Variants in NRXN3 observed in about 807,000 individuals in gnomAD.
NRXN3 encodes neurexin III.
NRXN3 carries 32 observed loss-of-function variants against 137.6 expected under a neutral mutation model. That is an observed-to-expected ratio of 0.23 (90% CI 0.18 to 0.31). NRXN3 has a LOEUF of 0.31. Among genes scored for constraint, NRXN3 ranks in the 10% least tolerant of loss-of-function variants. The pLI, the probability that NRXN3 is intolerant of heterozygous loss-of-function variation, is 1.00. For synonymous variants in NRXN3, 798 were observed against 784.5 expected (o/e 1.02, Z -0.29); for missense variants, 1,574 against 2,062.5 (o/e 0.76, Z 4.59).
chr14:79,416,669 T>C (rs1382766376), intron 15 of NRXN3, among the ~76,000 whole-genome samples: 1 of 152,106 alleles, frequency 6.6e-6, no homozygotes, highest in Non-Finnish European at 1.5e-5. Context: ...TGCAAAACCT[T>C]CATCCACACA....
At position 78,192,739 on chromosome 14, in the gene NRXN3, T is replaced by A. The variant is rs190592406; in HGVS notation, c.-704+22065T>A. On this transcript the variant is annotated intron_variant, in intron 1 of 20. Transcript: ENST00000335750. ...CCTCTCCTAGAGAGGGTGGTGTGGC[T>A]CCAGAATGCTGGGGCAGACTTCAAC... 1.4e-3 allele frequency among the ~76,000 whole-genome samples: 219 copies of A among 152,270 alleles called. 2 individuals carry two copies. The highest frequency in any genetic ancestry group is 5.1e-3 in the African/African-American group (214 of 41,554).
At position 78,676,735 on chromosome 14, in the gene NRXN3, G is replaced by A. The variant is rs542930880; in HGVS notation, c.1221+25409G>A. 1.2e-3 allele frequency among the ~76,000 whole-genome samples: 176 copies of A among 152,240 alleles called. 1 individual carries two copies. The highest frequency in any genetic ancestry group is 4.1e-3 in the African/African-American group (171 of 41,560). On this transcript the variant is annotated intron_variant, in intron 6 of 20. Coordinates refer to ENST00000335750, the MANE Select transcript of NRXN3 (RefSeq NM_001330195.2). ...CATCTAGGACTTTCATAGCTGGAGA[G>A]GGAAAGTCAGTGCCTGGCTTTAGAG... is the stretch of plus-strand genomic sequence containing the variant.
chr14:78,222,018 G>T (rs1186523415), intron 1 of NRXN3, among the ~76,000 whole-genome samples: 1 of 152,180 alleles, frequency 6.6e-6, no homozygotes, highest in African/African-American at 2.4e-5. Flanking sequence ...AGGAAGAGAG[G>T]TGGGGTTGCA....
chr14:78,933,785 A>G (rs1294785014), intron 10 of NRXN3, among the ~76,000 whole-genome samples: 1 of 152,114 alleles, frequency 6.6e-6, no homozygotes, highest in Non-Finnish European at 1.5e-5. Flanking sequence ...AACATTTCAC[A>G]TCCACTCTCT....
intron 8 of NRXN3, among the ~76,000 whole-genome samples, chr14:78,729,555 A>G (rs2098504493): frequency 6.6e-6 from 1 of 152,166 alleles, no homozygotes; most frequent in African/African-American, 2.4e-5. Flanking sequence ...TAGGTGGTGG[A>G]GAAGAACTGT....
intron 19 of NRXN3, among the ~76,000 whole-genome samples, chr14:79,763,939 A>C (rs2099047510): frequency 6.7e-6 from 1 of 149,216 alleles, no homozygotes; most frequent in Non-Finnish European, 1.5e-5. Flanking sequence ...CCATGTAAAG[A>C]CTTCATTTGC....
chr14:78,450,175 G>A (rs1055127945), intron 4 of NRXN3, among the ~76,000 whole-genome samples: 6 of 152,310 alleles, frequency 3.9e-5, no homozygotes, highest in Non-Finnish European at 7.4e-5. Context: ...GAGGTGTACC[G>A]CAATATCTCT....
intron 15 of NRXN3, among the ~76,000 whole-genome samples, chr14:79,408,307 G>C (rs1027488877): frequency 6.6e-6 from 1 of 152,192 alleles, no homozygotes; most frequent in Non-Finnish European, 1.5e-5. Flanking sequence ...CTTTTATTCA[G>C]TCATGTTTTA....
chr14:79,464,802 T>C (rs2096400425), intron 15 of NRXN3, among the ~76,000 whole-genome samples: 2 of 152,182 alleles, frequency 1.3e-5, no homozygotes, highest in African/African-American at 4.8e-5. Flanking sequence ...TGGTACTATT[T>C]AAATCAGATA....
chr14:79,852,925 GATTTT>G (rs548600168), intron 20 of NRXN3, among the ~76,000 whole-genome samples: 105 of 151,010 alleles, frequency 7.0e-4, no homozygotes, highest in African/African-American at 2.4e-3. Flanking sequence ...TCTTAGATTT[GATTTT>G]ATCTAAAATT....
chr14:79,387,260 AAAAC>A (rs1333076287), intron 15 of NRXN3, among the ~76,000 whole-genome samples: 4 of 152,124 alleles, frequency 2.6e-5, no homozygotes, highest in African/African-American at 4.8e-5. Flanking sequence ...TTACAAGAAA[AAAAC>A]AAACAACCCC....
Position 79,422,697 on chromosome 14 carries a change from CTTTTTTTT to C in NRXN3, c.3263-44511_3263-44504del, listed in dbSNP as rs1185262366. Among the ~76,000 whole-genome samples, 1,172 of 130,168 alleles carry C rather than the reference CTTTTTTTT, an allele frequency of 9.0e-3. 9 individuals are homozygous for C. Among genetic ancestry groups the C allele is most frequent in the Middle Eastern group, 0.017 (4 of 234 alleles). The allele number at this position is 130,168 out of a possible 152,430, so 85.4% of individuals were successfully genotyped here. On this transcript the variant is annotated intron_variant, in intron 15 of 20. Transcript: ENST00000335750. Reference sequence around the variant, plus strand: ...AATTCTAATACTTCAGTTCCACATTCTTTTTTTTTTTTTTTTTTTTGAGACGGAATCTT... The same window carrying C: ...AATTCTAATACTTCAGTTCCACATTCTTTTTTTTTTTTGAGACGGAATCTT...
chr14:79,038,028 G>A (rs368665884), intron 15 of NRXN3, among the ~76,000 whole-genome samples: 1 of 152,056 alleles, frequency 6.6e-6, no homozygotes, highest in Non-Finnish European at 1.5e-5. Context: ...TCCTGGACAA[G>A]TTAATTAAGG....
intron 15 of NRXN3, among the ~76,000 whole-genome samples, chr14:79,127,402 A>G (rs1015855198): frequency 8.5e-5 from 13 of 152,274 alleles, no homozygotes; most frequent in Admixed American, 4.6e-4. Context: ...ATGGCTAGCC[A>G]GTTTTCCCAG....
chr14:79,013,719 A>G (rs1594912713), intron 15 of NRXN3, among the ~76,000 whole-genome samples: 1 of 152,234 alleles, frequency 6.6e-6, no homozygotes, highest in East Asian at 1.9e-4. Context: ...ATGACAATCT[A>G]TAAGTAGCCA....
chr14:78,281,168 G>T (rs1163904173), intron 3 of NRXN3, among the ~76,000 whole-genome samples: 1 of 152,158 alleles, frequency 6.6e-6, no homozygotes, highest in African/African-American at 2.4e-5. Context: ...CCTGGACATG[G>T]CAGGAGGTGG....
At chr14:78,342,705 T>G (rs1455911288) in intron 4 of NRXN3, among the ~76,000 whole-genome samples, 2 of 152,214 alleles carry the variant, frequency 1.3e-5, no homozygotes, top group Non-Finnish European at 2.9e-5. Flanking sequence ...TCATTACTCA[T>G]GTGTCTACAG....
intron 4 of NRXN3, among the ~76,000 whole-genome samples, chr14:78,409,936 C>G (rs1287279710): frequency 6.6e-6 from 1 of 152,162 alleles, no homozygotes; most frequent in Non-Finnish European, 1.5e-5. Context: ...GATACAAGAT[C>G]TCATGTAATA....
At chr14:78,380,307 C>CAAAAAAAA (rs34099445) in intron 4 of NRXN3, among the ~76,000 whole-genome samples, 3 of 100,476 alleles carry the variant, frequency 3.0e-5, no homozygotes, top group African/African-American at 3.9e-5. Context: ...GACTCCGTCT[C>CAAAAAAAA]AAAAAAAAAA....
Sources: gnomAD v4.1 joint callset for allele counts (sites outside exome capture counted in the v4.1 genomes callset) on GRCh38, gnomAD v4.1.1 for gene constraint, MANE v1.5 for transcripts, NCBI Gene and HGNC (gene_info 2026-07-23, HGNC 2026-07-21) for gene names.